ZNF423: variants seen among roughly 807,000 people sequenced by gnomAD.
ZNF423 encodes Ebf-associated zinc finger protein.
In ZNF423, 12 loss-of-function variants were observed where a neutral mutation model predicts 95.8. The ratio of observed to expected loss-of-function variants is 0.13; its 90% CI spans 0.08 to 0.20. The LOEUF is 0.20. Among genes scored for constraint, ZNF423 ranks in the 10% least tolerant of loss-of-function variants. The pLI, the probability that ZNF423 is intolerant of heterozygous loss-of-function variation, is 1.00. For missense variants in ZNF423, 1,316 were observed against 1,737.1 expected, an observed-to-expected ratio of 0.76 and a Z score of 4.31; for synonymous variants, 749 against 711.9, an observed-to-expected ratio of 1.05 and a Z score of -0.83.
At chr16:49,560,584 G>A (rs747874524) in intron 5 of ZNF423, among the ~76,000 whole-genome samples, 4 of 152,232 alleles carry the variant, frequency 2.6e-5, no homozygotes, top group Non-Finnish European at 4.4e-5. Flanking sequence ...GCTATCGTGT[G>A]TGGTGTGGGA....
intron 2 of ZNF423, among the ~76,000 whole-genome samples, chr16:49,766,178 T>G (rs777303537): frequency 7.2e-5 from 11 of 152,278 alleles, no homozygotes; most frequent in Non-Finnish European, 2.9e-5. Flanking sequence ...GCAAGAAAAT[T>G]CAAAGCAGAA....
intron 5 of ZNF423, among the ~76,000 whole-genome samples, chr16:49,554,641 A>G (rs1165130739): frequency 6.6e-6 from 1 of 151,700 alleles, no homozygotes; most frequent in Non-Finnish European, 1.5e-5. Context: ...GCTATTATAA[A>G]TGGTGGTTCT....
intron 4 of ZNF423, among the ~76,000 whole-genome samples, chr16:49,632,651 A>ACAGCCCGCCGAAAACGCC (rs2151875988): frequency 6.6e-6 from 1 of 152,154 alleles, no homozygotes; most frequent in Admixed American, 6.5e-5. Flanking sequence ...CCTTGGGTAT[A>ACAGCCCGCCGAAAACGCC]TGGCATCACC....
chr16:49,777,233 G>T (rs1200080510), intron 2 of ZNF423, among the ~76,000 whole-genome samples: 2 of 152,206 alleles, frequency 1.3e-5, no homozygotes, highest in African/African-American at 2.4e-5. Context: ...GTATTGTGTG[G>T]AGTATGCATA....
chr16:49,506,153 G>A (rs568325455), intron 7 of ZNF423, among the ~76,000 whole-genome samples: 1 of 152,314 alleles, frequency 6.6e-6, no homozygotes, highest in East Asian at 1.9e-4. Context: ...CACGAAGAAG[G>A]CATCCGAAAA....
intron 2 of ZNF423, among the ~76,000 whole-genome samples, chr16:49,768,840 C>A (rs1483134810): frequency 6.6e-6 from 1 of 152,134 alleles, no homozygotes; most frequent in Non-Finnish European, 1.5e-5. Flanking sequence ...CAAGTACCCC[C>A]TCAACATCTC....
At chr16:49,810,966 G>GGGGTCT (rs959392329) in intron 1 of ZNF423, among the ~76,000 whole-genome samples, 1 of 152,120 alleles carries the variant, frequency 6.6e-6, no homozygotes, top group Non-Finnish European at 1.5e-5. Flanking sequence ...AGGGTAATGG[G>GGGGTCT]GGGTCTTGAA....
intron 5 of ZNF423, among the ~76,000 whole-genome samples, chr16:49,560,201 G>A (rs1252977218): frequency 2.6e-5 from 4 of 152,174 alleles, no homozygotes; most frequent in Non-Finnish European, 4.4e-5. Context: ...GAGCCAGTGA[G>A]CCTGCTCCTT....
intron 7 of ZNF423, among the ~76,000 whole-genome samples, chr16:49,496,589 A>G (rs1596998701): frequency 6.6e-6 from 1 of 152,184 alleles, no homozygotes; most frequent in African/African-American, 2.4e-5. Context: ...CTGTGAACCA[A>G]ATAAAACTGT....
At chr16:49,664,581 C>T (rs2030438440) in intron 3 of ZNF423, among the ~76,000 whole-genome samples, 2 of 150,564 alleles carry the variant, frequency 1.3e-5, no homozygotes, top group African/African-American at 4.9e-5. Context: ...AAGGGAGGAC[C>T]ACAGAAAGGG....
chr16:49,719,417 G>A (rs1264750375), intron 3 of ZNF423, among the ~76,000 whole-genome samples: 1 of 152,226 alleles, frequency 6.6e-6, no homozygotes, highest in Non-Finnish European at 1.5e-5. Context: ...AGAATACGTA[G>A]CTGCATCCCT....
intron 1 of ZNF423, among the ~76,000 whole-genome samples, chr16:49,807,047 A>G (rs574461501): frequency 2.7e-4 from 41 of 151,586 alleles, no homozygotes; most frequent in Non-Finnish European, 5.4e-4. Context: ...AAAAAAGTGC[A>G]CAGCATAAAA....
rs375915281 is a variant in ZNF423, at chr16:49,743,010, T to G, written c.101-12039A>C. ...CTCTCTGGGCCTCAGCTGCCCCATCTGTAAATTAAGGCATGGACCACAGAG... is the reference window on the plus strand; with the variant it reads ...CTCTCTGGGCCTCAGCTGCCCCATCGGTAAATTAAGGCATGGACCACAGAG... On this transcript the variant is annotated intron_variant, in intron 2 of 7. Coordinates refer to ENST00000563137, the MANE Select transcript of ZNF423 (RefSeq NM_001379286.1). Among the ~76,000 whole-genome samples, 4 of 152,054 alleles carry G rather than the reference T, an allele frequency of 2.6e-5. No individual in the cohort carries two copies. The East Asian group carries it at 5.8e-4, about 22-fold the overall frequency.
intron 3 of ZNF423, among the ~76,000 whole-genome samples, chr16:49,712,902 G>C (rs182289225): frequency 6.6e-6 from 1 of 152,204 alleles, no homozygotes; most frequent in Admixed American, 6.5e-5. Flanking sequence ...TGACACCGTC[G>C]TGCAGGTGAC....
rs755306842 is a variant in ZNF423, at chr16:49,637,154, C to T, written c.2022G>A (p.Gln674=). ...CCTGGGAGTCAAAGTCCTCTTTGCA[C>T]TGGGGGCACGCTTGCTTCCGCAGCA... ...ELLLRKQACP[Q]CKEDFDSQES... The change falls in exon 4 of 8, where the codon CAG becomes CAA. Residue 674 remains glutamine, a synonymous_variant. Transcript: ENST00000563137. This position sits in a 1 kb window ranked among gnomAD's most constrained non-coding sequence, Gnocchi z 5.6. The T allele has an allele frequency of 3.1e-6, 5 of 1,613,672 alleles. No individual in the cohort carries two copies. The highest frequency in any genetic ancestry group is 3.4e-6 in the Non-Finnish European group (4 of 1,180,004).
chr16:49,793,542 A>G (rs1178166702), intron 1 of ZNF423, among the ~76,000 whole-genome samples: 1 of 152,208 alleles, frequency 6.6e-6, no homozygotes, highest in Non-Finnish European at 1.5e-5. Flanking sequence ...CAAGAGATAC[A>G]CACCCCACCC....
At chr16:49,839,644 C>A (rs906577190) in intron 1 of ZNF423, among the ~76,000 whole-genome samples, 3 of 152,170 alleles carry the variant, frequency 2.0e-5, no homozygotes, top group Middle Eastern at 3.2e-3. Flanking sequence ...GAAACAGCCC[C>A]AAGGAACTGA....
rs1019872339 is a variant in ZNF423, at chr16:49,659,685, C to T, written c.302-20811G>A. On this transcript the variant is annotated intron_variant, in intron 3 of 7. Transcript: ENST00000563137. ...GAGAGAGAAACTGATGGAGAGCGAT[C>T]AGTCACCCCAGATCCTGCACATGGC... Among the ~76,000 whole-genome samples the T allele has an allele frequency of 2.0e-5, 3 of 152,246 alleles. 1 individual carries two copies. The highest frequency in any genetic ancestry group is 4.4e-5 in the Non-Finnish European group (3 of 68,044).
intron 5 of ZNF423, among the ~76,000 whole-genome samples, chr16:49,526,808 C>T (rs753410553): frequency 5.3e-5 from 8 of 152,350 alleles, no homozygotes; most frequent in Non-Finnish European, 1.2e-4. Context: ...ATTAAATGAG[C>T]TAATACATGC....
Sources: allele counts gnomAD v4.1 joint callset (sites outside exome capture counted in the v4.1 genomes callset), GRCh38; gene constraint gnomAD v4.1.1; non-coding constraint Gnocchi (gnomAD v3.1); transcripts MANE v1.5; gene names NCBI Gene and HGNC (gene_info 2026-07-23, HGNC 2026-07-21).